Variants in ACACB observed in about 807,000 individuals in gnomAD.
ACACB encodes acetyl-CoA carboxylase beta.
A neutral mutation model predicts 278.8 loss-of-function variants in ACACB; 209 were observed. That is an observed-to-expected ratio of 0.75 (90% CI 0.67 to 0.84). ACACB has a LOEUF of 0.84. Among genes scored for constraint, ACACB ranks in the 40% least tolerant of loss-of-function variants. The pLI is 0.00. For missense variants in ACACB, 2,850 were observed against 3,269.0 expected (o/e 0.87, Z 3.13); for synonymous variants, 1,174 against 1,285.6 (o/e 0.91, Z 1.86).
chr12:109,193,571 T>A, intron 15 of ACACB, 77 bp from the exon 16 acceptor site: 1 of 1,251,878 alleles, frequency 8.0e-7, no homozygotes, highest in Non-Finnish European at 1.2e-6. Flanking sequence ...AGTTGCGTAA[T>A]TTTTTTAAAT....
Position 109,265,518 on chromosome 12 carries a change from A to T in ACACB, c.7243A>T (p.Ile2415Phe). 6.2e-7 allele frequency: 1 copy of T among 1,613,490 alleles called. No homozygotes were observed. Among genetic ancestry groups the T allele is most frequent in the Non-Finnish European group, 8.5e-7 (1 of 1,179,826 alleles). ...GAAGCACGACTCTGTCCTCAAGACCATCCGAGGGTGAGTGGCCACCGCACC... is the reference window on the plus strand; with the variant it reads ...GAAGCACGACTCTGTCCTCAAGACCTTCCGAGGGTGAGTGGCCACCGCACC... ...YLKHDSVLKTIRGLVEENPEV... is the reference protein window; with the variant it reads ...YLKHDSVLKTFRGLVEENPEV... The change falls in exon 52 of 53, where the codon ATC becomes TTC. Residue 2415 changes from isoleucine (I) to phenylalanine (F), a missense_variant. This residue lies in a region of ACACB where 579 missense variants were observed against 684.6 expected (regional missense o/e 0.85). Coordinates refer to ENST00000338432, the MANE Select transcript of ACACB (RefSeq NM_001093.4).
chr12:109,114,524 G>C (rs2042366469), upstream of ACACB, among the ~76,000 whole-genome samples: 1 of 152,008 alleles, frequency 6.6e-6, no homozygotes, highest in Non-Finnish European at 1.5e-5. Flanking sequence ...CAGGTGCCTT[G>C]TTTTGTTAGA....
At chr12:109,179,001 T>G in intron 9 of ACACB, 87 bp from the exon 10 acceptor site, 1 of 1,268,890 alleles carries the variant, frequency 7.9e-7, no homozygotes, top group Non-Finnish European at 1.1e-6. Flanking sequence ...ATCACTGCGT[T>G]TGTTTTATGT....
Position 109,265,503 on chromosome 12 carries a change from T to C in ACACB, c.7228T>C (p.Ser2410Pro). Residue 2410 changes from serine (S) to proline (P), a missense_variant, in exon 52 of 53, where the codon TCT becomes CCT. Physicochemically the swap from Ser to Pro is moderately conservative, Grantham distance 74 (BLOSUM62 -1). Transcript: ENST00000338432. ...RENITYLKHD[S>P]VLKTIRGLVE... ...GAACATCACGTACCTGAAGCACGAC[T>C]CTGTCCTCAAGACCATCCGAGGGTG... 1 of 1,613,796 alleles carries C rather than the reference T, an allele frequency of 6.2e-7. No homozygotes were observed. The highest frequency in any genetic ancestry group is 2.2e-5 in the East Asian group (1 of 44,866).
chr12:109,210,325 A>ATATGTATATATACACACACATCTGTGTG (rs1565928011), intron 21 of ACACB, among the ~76,000 whole-genome samples: 1 of 34,108 alleles, frequency 2.9e-5, no homozygotes, highest in Admixed American at 3.6e-4. Flanking sequence ...ATATCTGTGT[A>ATATGTATATATACACACACATCTGTGTG]TATATGTATA....
chr12:109,152,600 G>A (rs886417693), intron 2 of ACACB, among the ~76,000 whole-genome samples: 14 of 151,160 alleles, frequency 9.3e-5, no homozygotes, highest in Admixed American at 4.6e-4. Context: ...TGGCACCCCC[G>A]GGAAGTGTGG....
chr12:109,216,612 C>A lies in ACACB; in HGVS notation c.3351-6C>A. ...AGCATTAAGAGCAGCCTTCCCTTCT[C>A]CCCAGATACCGCAGCGGGATCCGCG... On this transcript the variant is annotated splice_polypyrimidine_tract_variant and splice_region_variant and intron_variant, in intron 22 of 52. Coordinates refer to ENST00000338432, the MANE Select transcript of ACACB (RefSeq NM_001093.4). 6.2e-7 allele frequency: 1 copy of A among 1,614,028 alleles called. No homozygotes were observed. Among genetic ancestry groups the A allele is most frequent in the South Asian group, 1.1e-5 (1 of 91,074 alleles).
In ACACB at chr12:109,262,453, G is replaced by A; in HGVS notation, c.6771G>A (p.Lys2257=). 6.2e-7 allele frequency: 1 copy of A among 1,613,476 alleles called. No homozygotes were observed. The highest frequency in any genetic ancestry group is 8.5e-7 in the Non-Finnish European group (1 of 1,179,788). Residue 2257 remains lysine (K), a synonymous_variant, in exon 49 of 53, where the codon AAG becomes AAA. Transcript: ENST00000338432. ...GAAGGATCGATCCAGCTTACAAGAA[G>A]CTCATGGAACAGCTAGGTAAGGGGG... The part of the protein sequence containing the change: ...SMRRIDPAYK[K]LMEQLGEPDL...
At chr12:109,242,244 G>A in intron 36 of ACACB, 193 bp from the exon 37 acceptor site, 5 of 578,038 alleles carry the variant, frequency 8.6e-6, no homozygotes, top group Non-Finnish European at 1.2e-5. Context: ...CACAGCCCCT[G>A]TTGTCCCTTC....
rs140801879 is a variant in ACACB, at chr12:109,161,731, T to TTGTGTG, written c.654-5128_654-5123dup. The stretch of plus-strand genomic sequence containing the variant: ...TTTTTTATGGCTCAGTAGTATTCTT[T>TTGTGTG]TGTGTGTATGTGTGTGTGTGGTGTG... On this transcript the variant is annotated intron_variant, in intron 2 of 52. Coordinates refer to ENST00000338432, the MANE Select transcript of ACACB (RefSeq NM_001093.4). 2.0e-3 allele frequency among the ~76,000 whole-genome samples: 300 copies of TTGTGTG among 150,246 alleles called. 2 individuals carry two copies. Among genetic ancestry groups the TTGTGTG allele is most frequent in the African/African-American group, 6.6e-3 (271 of 40,936 alleles).
chr12:109,120,353 A>G (rs2042515148), intron 1 of ACACB, among the ~76,000 whole-genome samples: 1 of 152,184 alleles, frequency 6.6e-6, no homozygotes. Flanking sequence ...GGCCCTAGAA[A>G]TGTTATTTTT....
intron 11 of ACACB, among the ~76,000 whole-genome samples, chr12:109,182,944 A>C (rs1358428046): frequency 6.6e-6 from 1 of 152,144 alleles, no homozygotes; most frequent in East Asian, 1.9e-4. Context: ...TCTTAGATTT[A>C]AGTCTTTAGT....
At chr12:109,265,066 C>A in intron 50 of ACACB, 44 bp from the exon 51 acceptor site, 1 of 1,570,272 alleles carries the variant, frequency 6.4e-7, no homozygotes, top group South Asian at 1.2e-5. Flanking sequence ...AGTGTCCCGT[C>A]TCCTCCTTCC....
At chr12:109,175,494 C>A (rs2044254645) in intron 7 of ACACB, among the ~76,000 whole-genome samples, 1 of 152,150 alleles carries the variant, frequency 6.6e-6, no homozygotes, top group African/African-American at 2.4e-5. Context: ...TAGCTCACAG[C>A]AGTCTTGACC....
intron 2 of ACACB, among the ~76,000 whole-genome samples, chr12:109,145,229 T>G (rs2043213556): frequency 6.6e-6 from 1 of 152,200 alleles, no homozygotes; most frequent in Admixed American, 6.5e-5. Context: ...CCAGGAGTGA[T>G]CCGTCGTTTT....
chr12:109,206,777 A>T lies in ACACB; in HGVS notation c.2981A>T (p.Gln994Leu). 1 of 1,614,166 alleles carries T rather than the reference A, an allele frequency of 6.2e-7. No individual in the cohort carries two copies. The highest frequency in any genetic ancestry group is 1.3e-5 in the African/African-American group (1 of 75,020). ...CCCATCCTCGGAGAGAAACTGCACC[A>T]GGTCTTCCACAGCGTCCTGGAAAAC... ...TLPILGEKLH[Q>L]VFHSVLENLT... The change falls in exon 20 of 53, where the codon CAG becomes CTG. Residue 994 changes from glutamine (Q) to leucine (L), a missense_variant. By Grantham distance (113) the Gln-to-Leu change is moderately radical (BLOSUM62 -2). Around this residue, in one of 3 missense-constraint regions of ACACB, gnomAD observed 2,265 missense variants for 2,561.3 expected, o/e 0.88. Transcript: ENST00000338432.
At chr12:109,210,101 G>A (rs1293321802) in intron 21 of ACACB, among the ~76,000 whole-genome samples, 1 of 106,372 alleles carries the variant, frequency 9.4e-6, no homozygotes, top group Admixed American at 9.1e-5. Context: ...ACACATGTGT[G>A]TGTATATGTA....
At chr12:109,153,631 A>G (rs760352266) in intron 2 of ACACB, among the ~76,000 whole-genome samples, 1 of 152,064 alleles carries the variant, frequency 6.6e-6, no homozygotes, top group Non-Finnish European at 1.5e-5. Context: ...GGTTCTTTGC[A>G]TTTATTACAT....
In ACACB at chr12:109,237,393, A is replaced by G; in HGVS notation, c.4662+13A>G. The G allele has an allele frequency of 6.2e-7, 1 of 1,608,642 alleles. No homozygotes were observed. Among genetic ancestry groups the G allele is most frequent in the Non-Finnish European group, 8.5e-7 (1 of 1,177,090 alleles). ...CCTGATCACAAAGGTAAGATGTCGCAGAGCATTTCTTCCTCTCTCAGAACC... is the reference window on the plus strand; with the variant it reads ...CCTGATCACAAAGGTAAGATGTCGCGGAGCATTTCTTCCTCTCTCAGAACC... On this transcript the variant is annotated intron_variant, in intron 34 of 52. Transcript: ENST00000338432.
Sources: allele counts gnomAD v4.1 joint callset (sites outside exome capture counted in the v4.1 genomes callset), GRCh38; gene constraint gnomAD v4.1.1; regional missense constraint gnomAD v4.1.1; transcripts MANE v1.5; gene names NCBI Gene and HGNC (gene_info 2026-07-23, HGNC 2026-07-21).